The following PDE1C variants were observed in gnomAD, a reference collection of about 807,000 sequenced individuals.
The protein encoded by PDE1C is phosphodiesterase 1C, also known as dual specificity calcium/calmodulin-dependent 3',5'-cyclic nucleotide phosphodiesterase 1C.
In PDE1C, 62 loss-of-function variants were observed where a neutral mutation model predicts 93.1. That is an observed-to-expected ratio of 0.67 (90% CI 0.54 to 0.82). The LOEUF is 0.82. Ranked by LOEUF, PDE1C falls within the 40% of genes least tolerant of loss-of-function variation. The pLI is 0.00. For missense variants in PDE1C, 742 were observed against 884.6 expected (o/e 0.84, Z 2.04); for synonymous variants, 325 against 310.1 (o/e 1.05, Z -0.50).
the PDE1C span, among the ~76,000 whole-genome samples, chr7:31,716,704 C>A: frequency 3.3e-5 from 5 of 152,106 alleles, no homozygotes; most frequent in Non-Finnish European, 7.3e-5. Flanking sequence ...TAGTGTTAAA[C>A]CCATATGGCA....
chr7:32,322,219 G>A (rs564631813), intron 1 of PDE1C, among the ~76,000 whole-genome samples: 2 of 152,314 alleles, frequency 1.3e-5, no homozygotes, highest in South Asian at 4.1e-4. Context: ...AACACAGATA[G>A]CCTGGCTCTA....
At chr7:32,380,755 T>C (rs1243386316) in intron 1 of PDE1C, among the ~76,000 whole-genome samples, 1 of 152,104 alleles carries the variant, frequency 6.6e-6, no homozygotes, top group Admixed American at 6.5e-5. Context: ...TCCTGGTTTT[T>C]CTCCCAACTC....
chr7:31,888,396 A>G (rs1172353517), intron 2 of PDE1C, among the ~76,000 whole-genome samples: 1 of 152,076 alleles, frequency 6.6e-6, no homozygotes, highest in African/African-American at 2.4e-5. Flanking sequence ...TTAAGTAGCA[A>G]CAAACTCACA....
chr7:31,686,227 C>T, the PDE1C span, among the ~76,000 whole-genome samples: 2 of 152,156 alleles, frequency 1.3e-5, no homozygotes, highest in Non-Finnish European at 1.5e-5. Flanking sequence ...GGTCCTGATA[C>T]CTACCTGATC....
chr7:32,128,906 AATATATATATATATAT>A lies in PDE1C; in HGVS notation c.308+40863_308+40878del, dbSNP rs763801947. On this transcript the variant is annotated intron_variant, in intron 3 of 18. Coordinates refer to the PDE1C transcript ENST00000396193. ...GTACCCTAGAACTTAAAGTATAACA[AATATATATATATATAT>A]ATATATATATATATATATATATATA... Among the ~76,000 whole-genome samples, 398 of 56,008 alleles carry A rather than the reference AATATATATATATATAT, an allele frequency of 7.1e-3. 9 individuals are homozygous for A. The highest frequency in any genetic ancestry group is 0.025 in the South Asian group (27 of 1,070). The allele number at this position is 56,008 out of a possible 152,430, so 36.7% of individuals were successfully genotyped here.
intron 1 of PDE1C, among the ~76,000 whole-genome samples, chr7:32,402,007 C>T (rs1784953401): frequency 6.6e-6 from 1 of 152,164 alleles, no homozygotes; most frequent in Non-Finnish European, 1.5e-5. Flanking sequence ...GTCTGCTAAA[C>T]ACTTTTATAT....
intron 2 of PDE1C, among the ~76,000 whole-genome samples, chr7:32,189,798 AT>A (rs60909378): frequency 0.2 from 30,204 of 152,094 alleles, 3,520 homozygotes; most frequent in Middle Eastern, 0.29. Flanking sequence ...CACAGAAAAT[AT>A]TTTTTTCTAC....
chr7:32,417,631 A>C (rs1320683580), intron 1 of PDE1C, among the ~76,000 whole-genome samples: 1 of 151,120 alleles, frequency 6.6e-6, no homozygotes, highest in African/African-American at 2.4e-5. Flanking sequence ...TCCCAGGGAA[A>C]AGTTCTATTT....
chr7:32,348,645 G>A (rs1783899804), intron 1 of PDE1C, among the ~76,000 whole-genome samples: 2 of 152,090 alleles, frequency 1.3e-5, no homozygotes, highest in African/African-American at 4.8e-5. Context: ...TTACAGGCAT[G>A]AGCCACCACG....
intron 14 of PDE1C, among the ~76,000 whole-genome samples, chr7:31,822,220 C>T (rs10226190): frequency 0.93 from 140,840 of 151,984 alleles, 65,370 homozygotes; most frequent in Non-Finnish European, 0.95. Context: ...TAGCAAAAAC[C>T]GACTCTTGTT....
At chr7:32,247,596 A>G (rs1486609111) in intron 1 of PDE1C, among the ~76,000 whole-genome samples, 1 of 152,204 alleles carries the variant, frequency 6.6e-6, no homozygotes, top group Non-Finnish European at 1.5e-5. Context: ...TCAATGCTGC[A>G]AAAGTGTAGG....
chr7:32,004,112 G>A (rs896048570), intron 2 of PDE1C, among the ~76,000 whole-genome samples: 2 of 152,010 alleles, frequency 1.3e-5, no homozygotes, highest in Non-Finnish European at 2.9e-5. Flanking sequence ...ATGAGGACTC[G>A]AACTCAGTTC....
intron 3 of PDE1C, among the ~76,000 whole-genome samples, chr7:32,084,834 C>A (rs1796962918): frequency 7.1e-6 from 1 of 141,606 alleles, no homozygotes; most frequent in Non-Finnish European, 1.6e-5. Flanking sequence ...ACCAGAATCT[C>A]TGGGACGCAT....
chr7:32,333,275 T>C (rs1783548934), intron 1 of PDE1C, among the ~76,000 whole-genome samples: 1 of 152,228 alleles, frequency 6.6e-6, no homozygotes, highest in Admixed American at 6.5e-5. Context: ...GATATGTTGT[T>C]ATCACAGAAT....
chr7:32,185,878 C>A (rs1803814890), intron 2 of PDE1C, among the ~76,000 whole-genome samples: 1 of 152,200 alleles, frequency 6.6e-6, no homozygotes, highest in African/African-American at 2.4e-5. Flanking sequence ...ATAGCACCAA[C>A]AGAATTTTCC....
rs186352681 is a variant in PDE1C at position 32,309,074 on chromosome 7, G to A, written c.311-99535C>T. Among the ~76,000 whole-genome samples the A allele has an allele frequency of 2.4e-3, 362 of 152,198 alleles. 1 individual carries two copies. Among genetic ancestry groups the A allele is most frequent in the Non-Finnish European group, 3.9e-3 (265 of 68,016 alleles). On this transcript the variant is annotated intron_variant, in intron 1 of 1. Transcript: ENST00000672256. ...CTTAAAGGAGCTGATGGAGCTGAAAGCCAAGGCTCAAGAACTATGTGAAGA... is the reference window on the plus strand; with the variant it reads ...CTTAAAGGAGCTGATGGAGCTGAAAACCAAGGCTCAAGAACTATGTGAAGA...
intron 1 of PDE1C, among the ~76,000 whole-genome samples, chr7:32,228,181 C>A (rs552986130): frequency 1.3e-5 from 2 of 152,194 alleles, no homozygotes; most frequent in South Asian, 4.1e-4. Context: ...GACTAGAGAA[C>A]CTTCAGAGAA....
intron 3 of PDE1C, among the ~76,000 whole-genome samples, chr7:32,078,467 G>C (rs768717977): frequency 6.6e-6 from 1 of 152,128 alleles, no homozygotes; most frequent in African/African-American, 2.4e-5. Flanking sequence ...AGGTCTCTTG[G>C]GGAATTGGTA....
chr7:32,294,818 C>A (rs558885384), intron 1 of PDE1C, among the ~76,000 whole-genome samples: 1 of 152,348 alleles, frequency 6.6e-6, no homozygotes, highest in African/African-American at 2.4e-5. Context: ...AGTCAATTTA[C>A]ACTTGCACTT....
Sources: allele counts gnomAD v4.1 joint callset (sites outside exome capture counted in the v4.1 genomes callset), GRCh38; gene constraint gnomAD v4.1.1; transcripts MANE v1.5; gene names NCBI Gene and HGNC (gene_info 2026-07-23, HGNC 2026-07-21).